The following ERC2 variants were observed in gnomAD, a reference collection of about 807,000 sequenced individuals.
ERC2 encodes the protein ERC protein 2.
In ERC2, 42 loss-of-function variants were observed where a neutral mutation model predicts 114.8. The observed-to-expected ratio is 0.37, with a 90% confidence interval of 0.29 to 0.47. The LOEUF is 0.47. Ranked by LOEUF, ERC2 falls within the 20% of genes least tolerant of loss-of-function variation. The pLI is 0.99. For synonymous variants in ERC2, 454 were observed against 425.5 expected (o/e 1.07, Z -0.82); for missense variants, 939 against 1,150.7 (o/e 0.82, Z 2.66).
At chr3:55,854,861 T>G (rs375312136) in intron 14 of ERC2, among the ~76,000 whole-genome samples, 2 of 149,504 alleles carry the variant, frequency 1.3e-5, no homozygotes, top group East Asian at 4.1e-4. Context: ...AGGAGGCTGG[T>G]GGGGAGGGTG....
At chr3:55,864,112 TATATATACACACACAC>T (rs2062152702) in intron 14 of ERC2, among the ~76,000 whole-genome samples, 1 of 139,530 alleles carries the variant, frequency 7.2e-6, no homozygotes, top group Non-Finnish European at 1.5e-5. Context: ...TATATATATA[TATATATACACACACAC>T]ATATATATAT....
chr3:56,433,497 CA>C (rs1218930892), intron 2 of ERC2, among the ~76,000 whole-genome samples: 1 of 152,130 alleles, frequency 6.6e-6, no homozygotes, highest in African/African-American at 2.4e-5. Flanking sequence ...CAGGAATTAC[CA>C]GGCAGTGGTA....
At chr3:56,302,057 T>TAGG (rs1258284851) in intron 2 of ERC2, among the ~76,000 whole-genome samples, 2 of 152,210 alleles carry the variant, frequency 1.3e-5, no homozygotes, top group South Asian at 2.1e-4. Context: ...TGCCAGGGAA[T>TAGG]AGGAACATTC....
At chr3:56,162,981 A>G (rs751575021) in intron 4 of ERC2, among the ~76,000 whole-genome samples, 1 of 151,858 alleles carries the variant, frequency 6.6e-6, no homozygotes, top group Non-Finnish European at 1.5e-5. Context: ...AGATCCTTCT[A>G]ACTTTTTGAG....
chr3:55,528,334 G>A (rs892537329), intron 17 of ERC2, among the ~76,000 whole-genome samples: 1 of 152,188 alleles, frequency 6.6e-6, no homozygotes, highest in African/African-American at 2.4e-5. Flanking sequence ...ACTAATATTT[G>A]TAAAAGCCCC....
At chr3:56,336,732 A>G (rs7638645) in intron 2 of ERC2, among the ~76,000 whole-genome samples, 50,109 of 151,918 alleles carry the variant, frequency 0.33, 8,339 homozygotes, top group Admixed American at 0.35. Context: ...AGGCGGTGGA[A>G]GTTGCAGTGA....
chr3:55,562,453 C>T (rs111434393), intron 17 of ERC2, among the ~76,000 whole-genome samples: 3,490 of 152,230 alleles, frequency 0.023, 75 homozygotes, highest in African/African-American at 0.056. Flanking sequence ...GTGCCTGGCC[C>T]GCTGCCTTCT....
chr3:56,178,629 A>C (rs1367036462), intron 3 of ERC2, among the ~76,000 whole-genome samples: 1 of 152,140 alleles, frequency 6.6e-6, no homozygotes, highest in Non-Finnish European at 1.5e-5. Context: ...TCAAACATCA[A>C]CTCATGTCAG....
chr3:56,098,091 T>C (rs1260517768), intron 6 of ERC2, among the ~76,000 whole-genome samples: 1 of 152,210 alleles, frequency 6.6e-6, no homozygotes, highest in East Asian at 1.9e-4. Flanking sequence ...AAGGAAATAC[T>C]GTCTGAGCCA....
intron 2 of ERC2, among the ~76,000 whole-genome samples, chr3:56,412,014 A>G (rs1192648295): frequency 6.6e-6 from 1 of 152,242 alleles, no homozygotes; most frequent in African/African-American, 2.4e-5. Flanking sequence ...AAAAAGAGTC[A>G]TTGCAGATAT....
intron 14 of ERC2, among the ~76,000 whole-genome samples, chr3:55,836,738 G>A (rs1476344475): frequency 6.6e-6 from 1 of 152,050 alleles, no homozygotes; most frequent in Non-Finnish European, 1.5e-5. Flanking sequence ...GGCAACAAAA[G>A]CCAAAATTGA....
chr3:56,393,334 G>A (rs1436400401), intron 2 of ERC2, among the ~76,000 whole-genome samples: 1 of 152,212 alleles, frequency 6.6e-6, no homozygotes, highest in Non-Finnish European at 1.5e-5. Context: ...GGAGGCAGAA[G>A]TTGTAGTTAG....
At chr3:55,863,793 T>G (rs2062130458) in intron 14 of ERC2, among the ~76,000 whole-genome samples, 1 of 152,106 alleles carries the variant, frequency 6.6e-6, no homozygotes, top group South Asian at 2.1e-4. Context: ...TATAAATTAT[T>G]ACTGAGATGC....
At chr3:55,740,182 G>A (rs1900095) in intron 14 of ERC2, among the ~76,000 whole-genome samples, 32,583 of 151,936 alleles carry the variant, frequency 0.21, 4,019 homozygotes, top group Admixed American at 0.31. Flanking sequence ...CTCTATAAAT[G>A]TCATTAAATA....
chr3:56,109,730 C>G (rs940288599), intron 6 of ERC2, among the ~76,000 whole-genome samples: 1 of 152,114 alleles, frequency 6.6e-6, no homozygotes, highest in Admixed American at 6.6e-5. Context: ...GTTGAAATTG[C>G]TTTGACTTTG....
intron 17 of ERC2, among the ~76,000 whole-genome samples, chr3:55,599,213 C>A (rs2058289128): frequency 1.3e-5 from 2 of 152,178 alleles, no homozygotes; most frequent in African/African-American, 4.8e-5. Context: ...AGCCACGTTG[C>A]CTGCTTACAG....
intron 13 of ERC2, among the ~76,000 whole-genome samples, chr3:55,896,898 A>G (rs1458358125): frequency 6.6e-6 from 1 of 152,230 alleles, no homozygotes; most frequent in Non-Finnish European, 1.5e-5. Flanking sequence ...TATGTTGCAG[A>G]TCATATCATT....
intron 17 of ERC2, among the ~76,000 whole-genome samples, chr3:55,582,201 T>A (rs1186272047): frequency 6.6e-6 from 1 of 152,232 alleles, no homozygotes; most frequent in Non-Finnish European, 1.5e-5. Context: ...TACTCTATCA[T>A]ACCCCATCAG....
At chr3:55,797,454 C>A (rs1419806856) in intron 14 of ERC2, among the ~76,000 whole-genome samples, 1 of 152,128 alleles carries the variant, frequency 6.6e-6, no homozygotes, top group Non-Finnish European at 1.5e-5. Context: ...CAGCTCCCTG[C>A]TCCCAGAAGA....
Sources: allele counts gnomAD v4.1 joint callset (sites outside exome capture counted in the v4.1 genomes callset), GRCh38; gene constraint gnomAD v4.1.1; transcripts MANE v1.5; gene names NCBI Gene and HGNC (gene_info 2026-07-23, HGNC 2026-07-21).